The following CNTNAP2 variants were observed in gnomAD, a reference collection of about 807,000 sequenced individuals.
CNTNAP2 encodes contactin associated protein 2, also known as contactin-associated protein-like 2.
In CNTNAP2, 98 loss-of-function variants were observed where a neutral mutation model predicts 155.2. The ratio of observed to expected loss-of-function variants is 0.63; its 90% CI spans 0.54 to 0.75. CNTNAP2 has a LOEUF of 0.75. Ranked by LOEUF, CNTNAP2 falls within the 30% of genes least tolerant of loss-of-function variation. The pLI, the probability that CNTNAP2 is intolerant of heterozygous loss-of-function variation, is 0.00. For missense variants in CNTNAP2, 1,727 were observed against 1,688.1 expected (o/e 1.02, Z -0.40); for synonymous variants, 651 against 631.2 (o/e 1.03, Z -0.47).
chr7:147,074,163 C>T (rs1350442129), intron 4 of CNTNAP2, among the ~76,000 whole-genome samples: 2 of 152,086 alleles, frequency 1.3e-5, no homozygotes, highest in Admixed American at 6.6e-5. Context: ...TCAAAACCAA[C>T]GTGTTTCCCT....
chr7:147,801,957 A>ACC (rs1365142351), intron 13 of CNTNAP2, among the ~76,000 whole-genome samples: 4 of 144,454 alleles, frequency 2.8e-5, no homozygotes, highest in African/African-American at 1.1e-4. Context: ...CGGGGGGCTG[A>ACC]CACCCCCACC....
At chr7:146,626,704 C>T (rs142127293) in intron 1 of CNTNAP2, among the ~76,000 whole-genome samples, 2,721 of 152,068 alleles carry the variant, frequency 0.018, 49 homozygotes, top group Non-Finnish European at 0.026. Flanking sequence ...TAAAAAGATA[C>T]AAAAGAAAAA....
At chr7:147,062,079 G>C (rs1463415626) in intron 4 of CNTNAP2, among the ~76,000 whole-genome samples, 1 of 124,072 alleles carries the variant, frequency 8.1e-6, no homozygotes, top group Non-Finnish European at 1.6e-5. Context: ...AGTGAGCCGA[G>C]ATCGCACCAC....
At chr7:147,899,421 G>A (rs1359450123) in intron 13 of CNTNAP2, among the ~76,000 whole-genome samples, 1 of 152,168 alleles carries the variant, frequency 6.6e-6, no homozygotes, top group Non-Finnish European at 1.5e-5. Context: ...GAAGTAGGCA[G>A]TTGCTAATCA....
intron 13 of CNTNAP2, among the ~76,000 whole-genome samples, chr7:147,771,701 A>G (rs2116536498): frequency 6.6e-6 from 1 of 152,218 alleles, no homozygotes; most frequent in African/African-American, 2.4e-5. Context: ...TGTTTTAGGC[A>G]GGATTTGAAG....
intron 3 of CNTNAP2, among the ~76,000 whole-genome samples, chr7:146,894,551 C>T (rs1795839188): frequency 6.6e-6 from 1 of 151,838 alleles, no homozygotes; most frequent in Admixed American, 6.6e-5. Context: ...ATGCTGCTGC[C>T]CCTGTGGTTC....
At chr7:146,250,526 C>G (rs1259004848) in intron 1 of CNTNAP2, among the ~76,000 whole-genome samples, 4 of 152,184 alleles carry the variant, frequency 2.6e-5, no homozygotes, top group Non-Finnish European at 5.9e-5. Flanking sequence ...GGCTTTCACT[C>G]TCTTACTATG....
At chr7:147,327,833 G>C (rs1795488139) in intron 9 of CNTNAP2, among the ~76,000 whole-genome samples, 1 of 152,048 alleles carries the variant, frequency 6.6e-6, no homozygotes. Context: ...GTGGTCTTTT[G>C]GGGTAAGGAT....
chr7:147,402,501 C>T (rs1434626136), intron 10 of CNTNAP2, among the ~76,000 whole-genome samples: 2 of 152,140 alleles, frequency 1.3e-5, no homozygotes, highest in African/African-American at 2.4e-5. Flanking sequence ...TTGGTTTTAG[C>T]ATTGAGAGTC....
intron 20 of CNTNAP2, among the ~76,000 whole-genome samples, chr7:148,257,929 ACACACAC>A (rs1563014610): frequency 7.3e-5 from 4 of 54,604 alleles, no homozygotes; most frequent in African/African-American, 9.8e-5. Flanking sequence ...TTAAACACAC[ACACACAC>A]ACACACACAC....
At chr7:147,125,994 C>T (rs1801225875) in intron 6 of CNTNAP2, among the ~76,000 whole-genome samples, 2 of 152,152 alleles carry the variant, frequency 1.3e-5, no homozygotes, top group African/African-American at 2.4e-5. Flanking sequence ...CGGCTGCTAA[C>T]ATTTCACTTT....
intron 8 of CNTNAP2, among the ~76,000 whole-genome samples, chr7:147,142,284 G>A (rs1472113119): frequency 6.6e-6 from 1 of 152,176 alleles, no homozygotes; most frequent in East Asian, 1.9e-4. Context: ...TTAGCATGAA[G>A]TGTTGTTGAA....
intron 1 of CNTNAP2, among the ~76,000 whole-genome samples, chr7:146,324,719 T>C (rs992870007): frequency 5.9e-5 from 9 of 152,084 alleles, no homozygotes; most frequent in African/African-American, 2.2e-4. Context: ...TCTTCCTTTG[T>C]CCTTCCAAAA....
At chr7:146,217,762 T>C (rs996371178) in intron 1 of CNTNAP2, among the ~76,000 whole-genome samples, 2 of 152,122 alleles carry the variant, frequency 1.3e-5, no homozygotes, top group African/African-American at 4.8e-5. Flanking sequence ...GAGAGAACTT[T>C]CCAGGGTAAT....
chr7:147,063,662 T>TA (rs1426587478), intron 4 of CNTNAP2, among the ~76,000 whole-genome samples: 1 of 152,120 alleles, frequency 6.6e-6, no homozygotes, highest in African/African-American at 2.4e-5. Context: ...AAATGTCTAG[T>TA]AATTAATATA....
intron 10 of CNTNAP2, among the ~76,000 whole-genome samples, chr7:147,436,599 T>C (rs1797551286): frequency 6.6e-6 from 1 of 152,136 alleles, no homozygotes. Flanking sequence ...TATTCAAAAC[T>C]ATTGTAACAG....
intron 8 of CNTNAP2, among the ~76,000 whole-genome samples, chr7:147,291,387 T>A (rs1363102584): frequency 6.6e-6 from 1 of 152,166 alleles, no homozygotes; most frequent in African/African-American, 2.4e-5. Context: ...TATAAACTAG[T>A]TCTATGAACA....
chr7:146,433,346 A>C (rs576484146), intron 1 of CNTNAP2, among the ~76,000 whole-genome samples: 8 of 152,044 alleles, frequency 5.3e-5, no homozygotes, highest in Non-Finnish European at 1.0e-4. Context: ...ACGCGATTTC[A>C]GTGACTCTTG....
chr7:148,408,236 G>A (rs1314931141), intron 22 of CNTNAP2, among the ~76,000 whole-genome samples: 1 of 152,042 alleles, frequency 6.6e-6, no homozygotes, highest in African/African-American at 2.4e-5. Flanking sequence ...ACAACAGAGT[G>A]AGACCCTTTC....
Sources: gnomAD v4.1 joint callset for allele counts (sites outside exome capture counted in the v4.1 genomes callset) on GRCh38, gnomAD v4.1.1 for gene constraint, MANE v1.5 for transcripts, NCBI Gene and HGNC (gene_info 2026-07-23, HGNC 2026-07-21) for gene names.